CDH18: variants seen among roughly 807,000 people sequenced by gnomAD.
The protein encoded by CDH18 is cadherin 18.
A neutral mutation model predicts 67.9 loss-of-function variants in CDH18; 31 were observed. The observed-to-expected ratio is 0.46, with a 90% CI of 0.34 to 0.62. The LOEUF (loss-of-function observed/expected upper bound fraction) is 0.62. Among genes scored for constraint, CDH18 ranks in the 20% least tolerant of loss-of-function variants. The probability of loss-of-function intolerance (pLI) is 0.01; values close to 1 mark genes in which losing one functional copy is unlikely to be tolerated. For missense variants in CDH18, 890 were observed against 975.5 expected (o/e 0.91, Z 1.17); for synonymous variants, 362 against 347.2 (o/e 1.04, Z -0.48).
At chr5:19,751,002 G>C (rs1390947546) in intron 3 of CDH18, among the ~76,000 whole-genome samples, 1 of 151,954 alleles carries the variant, frequency 6.6e-6, no homozygotes, top group Admixed American at 6.6e-5. Flanking sequence ...AAGGAATGAG[G>C]GGTGAAAAAA....
chr5:19,992,312 A>C (rs1189674027), upstream of CDH18, among the ~76,000 whole-genome samples: 1 of 152,102 alleles, frequency 6.6e-6, no homozygotes, highest in Non-Finnish European at 1.5e-5. Flanking sequence ...CACATATTTT[A>C]TTTCTGTAAA....
intron 2 of CDH18, among the ~76,000 whole-genome samples, chr5:20,026,659 T>C (rs1738926005): frequency 6.6e-6 from 1 of 152,192 alleles, no homozygotes; most frequent in Non-Finnish European, 1.5e-5. Flanking sequence ...AAGGTTAACA[T>C]AGTCTGTTGA....
intron 7 of CDH18, among the ~76,000 whole-genome samples, chr5:19,582,189 T>C (rs930508424): frequency 2.6e-5 from 4 of 152,002 alleles, no homozygotes; most frequent in South Asian, 2.1e-4. Context: ...TGTATATGTA[T>C]ATCTATGTGT....
At chr5:20,033,494 T>C (rs898572189) in intron 2 of CDH18, among the ~76,000 whole-genome samples, 3 of 152,062 alleles carry the variant, frequency 2.0e-5, no homozygotes, top group Non-Finnish European at 2.9e-5. Context: ...AGTCTCAACA[T>C]TTCTGCCTTC....
chr5:20,499,293 A>T (rs2126428332), intron 1 of CDH18, among the ~76,000 whole-genome samples: 1 of 152,272 alleles, frequency 6.6e-6, no homozygotes, highest in Middle Eastern at 3.4e-3. Flanking sequence ...TCTATTACTT[A>T]GAATACAAAC....
intron 2 of CDH18, among the ~76,000 whole-genome samples, chr5:19,855,671 G>A (rs1188173397): frequency 2.0e-5 from 3 of 152,096 alleles, no homozygotes; most frequent in Admixed American, 6.6e-5. Context: ...GCTCCCAGCT[G>A]TGCTTGATCC....
chr5:20,024,056 C>T (rs1738675027), intron 2 of CDH18, among the ~76,000 whole-genome samples: 1 of 152,168 alleles, frequency 6.6e-6, no homozygotes, highest in South Asian at 2.1e-4. Flanking sequence ...GAGTGTTAAA[C>T]AAATGAATTC....
chr5:20,017,785 C>T (rs1447695046), intron 2 of CDH18, among the ~76,000 whole-genome samples: 1 of 152,168 alleles, frequency 6.6e-6, no homozygotes, highest in African/African-American at 2.4e-5. Context: ...AATAGGATAT[C>T]AGCTGGATGA....
intron 2 of CDH18, among the ~76,000 whole-genome samples, chr5:20,231,229 G>C (rs1196203047): frequency 2.6e-5 from 4 of 152,124 alleles, no homozygotes; most frequent in Non-Finnish European, 5.9e-5. Context: ...AGGGGGTTTA[G>C]TTCCCCCTAG....
chr5:20,458,606 A>C (rs1751004313), intron 1 of CDH18, among the ~76,000 whole-genome samples: 1 of 152,204 alleles, frequency 6.6e-6, no homozygotes, highest in Non-Finnish European at 1.5e-5. Context: ...CAACAGAGCG[A>C]GACTTTGTCT....
chr5:20,232,416 C>T (rs1435363415), intron 2 of CDH18, among the ~76,000 whole-genome samples: 1 of 152,054 alleles, frequency 6.6e-6, no homozygotes, highest in African/African-American at 2.4e-5. Context: ...AGGAAAGAAA[C>T]ACATTAGTAT....
intron 2 of CDH18, among the ~76,000 whole-genome samples, chr5:20,139,795 G>A (rs1025262692): frequency 1.8e-4 from 28 of 152,164 alleles, no homozygotes; most frequent in South Asian, 6.2e-4. Context: ...TTAGAATGGC[G>A]ATCATTAAAA....
intron 2 of CDH18, among the ~76,000 whole-genome samples, chr5:20,186,697 C>T (rs936557965): frequency 2.6e-5 from 4 of 151,800 alleles, no homozygotes; most frequent in African/African-American, 4.8e-5. Flanking sequence ...TTGTACATTG[C>T]TGGTTGAAGT....
At chr5:20,100,630 C>T (rs940337880) in intron 2 of CDH18, among the ~76,000 whole-genome samples, 2 of 152,056 alleles carry the variant, frequency 1.3e-5, no homozygotes, top group African/African-American at 4.8e-5. Flanking sequence ...GAAGTTAATT[C>T]TATAACACCG....
intron 6 of CDH18, among the ~76,000 whole-genome samples, chr5:19,605,187 G>A (rs1159170539): frequency 6.6e-6 from 1 of 151,796 alleles, no homozygotes; most frequent in African/African-American, 2.4e-5. Context: ...TGACTAGTAC[G>A]TTTCTAAACA....
chr5:19,645,497 T>G (rs970636951), intron 5 of CDH18, among the ~76,000 whole-genome samples: 2 of 152,186 alleles, frequency 1.3e-5, no homozygotes, highest in Non-Finnish European at 2.9e-5. Flanking sequence ...GGCTATTGAC[T>G]TCCATTCTGC....
At chr5:20,262,721 G>C (rs1391022071) in intron 1 of CDH18, among the ~76,000 whole-genome samples, 11 of 152,022 alleles carry the variant, frequency 7.2e-5, no homozygotes, top group Non-Finnish European at 1.6e-4. Context: ...TAGCCATTCA[G>C]TAATGTCTAC....
At chr5:20,455,085 A>AAC (rs1419730635) in intron 1 of CDH18, among the ~76,000 whole-genome samples, 1 of 151,596 alleles carries the variant, frequency 6.6e-6, no homozygotes, top group Non-Finnish European at 1.5e-5. Flanking sequence ...CAGAAAAAAA[A>AAC]AAAATCCCTA....
Position 20,002,158 on chromosome 5 carries a change from A to G in CDH18, c.-517-10144T>C, listed in dbSNP as rs74531112. The stretch of plus-strand genomic sequence containing the variant: ...TAAATCTTTCCAGTACATTTCTACT[A>G]TGTTTTGAATTTTACTTCACACATT... On this transcript the variant is annotated intron_variant, in intron 2 of 14. Coordinates refer to the CDH18 transcript ENST00000507958. Among the ~76,000 whole-genome samples, 566 of 152,310 alleles carry G rather than the reference A, an allele frequency of 3.7e-3. 2 individuals carry two copies. The highest frequency in any genetic ancestry group is 0.013 in the African/African-American group (532 of 41,582).
Sources: allele counts gnomAD v4.1 joint callset (sites outside exome capture counted in the v4.1 genomes callset), GRCh38; gene constraint gnomAD v4.1.1; transcripts MANE v1.5; gene names NCBI Gene and HGNC (gene_info 2026-07-23, HGNC 2026-07-21).